Variants in DAB1 observed in about 807,000 individuals in gnomAD.
DAB1 encodes the protein DAB adaptor protein 1, also known as disabled homolog 1.
A neutral mutation model predicts 64.6 loss-of-function variants in DAB1; 15 were observed. The ratio of observed to expected loss-of-function variants is 0.23; its 90% CI spans 0.16 to 0.36. The LOEUF is 0.36. Among genes scored for constraint, DAB1 ranks in the 10% least tolerant of loss-of-function variants. DAB1 has a pLI of 1.00. For missense variants in DAB1, 596 were observed against 706.7 expected (o/e 0.84, Z 1.78); for synonymous variants, 235 against 251.9 (o/e 0.93, Z 0.64).
intron 7 of DAB1, among the ~76,000 whole-genome samples, chr1:57,601,102 C>T (rs1645571205): frequency 6.6e-6 from 1 of 152,026 alleles, no homozygotes; most frequent in African/African-American, 2.4e-5. Context: ...AGATAAAAAA[C>T]ACTGCATACA....
At chr1:57,387,499 C>G (rs933744060) in intron 1 of DAB1, 1 of 152,132 alleles carries the variant, frequency 6.6e-6, no homozygotes, top group East Asian at 1.9e-4. Context: ...CACACACACG[C>G]TCCTCTTCTA....
At chr1:57,065,940 A>G (rs546314757) in intron 8 of DAB1, among the ~76,000 whole-genome samples, 1 of 143,646 alleles carries the variant, frequency 7.0e-6, no homozygotes, top group Admixed American at 6.9e-5. Context: ...TATTTGTTCT[A>G]TAAATAATCT....
intron 5 of DAB1, among the ~76,000 whole-genome samples, chr1:58,118,495 TATATATATACAC>T (rs1297461349): frequency 2.4e-5 from 2 of 84,422 alleles, no homozygotes; most frequent in African/African-American, 5.5e-5. Context: ...TATATATATA[TATATATATACAC>T]ACACACACAC....
chr1:57,397,021 T>C (rs1311326193), intron 1 of DAB1, among the ~76,000 whole-genome samples: 1 of 152,184 alleles, frequency 6.6e-6, no homozygotes, highest in African/African-American at 2.4e-5. Flanking sequence ...CCTGTAGTCA[T>C]AAAAGACTGG....
In DAB1 at chr1:58,237,720, A is replaced by G. The variant is rs113303654; in HGVS notation, n.310-87132T>C. Reference sequence around the variant, plus strand: ...TAGTGACTTCTATCAATTTCTGTCTATTTTCATTCCTCTTCTGCAGCCACT... The same window carrying G: ...TAGTGACTTCTATCAATTTCTGTCTGTTTTCATTCCTCTTCTGCAGCCACT... On this transcript the variant is annotated intron_variant and non_coding_transcript_variant, in intron 4 of 20. Coordinates refer to the DAB1 transcript ENST00000485760. Among the ~76,000 whole-genome samples the G allele has an allele frequency of 1.4e-3, 212 of 152,156 alleles. 1 individual carries two copies. Among genetic ancestry groups the G allele is most frequent in the African/African-American group, 4.9e-3 (202 of 41,520 alleles).
intron 2 of DAB1, among the ~76,000 whole-genome samples, chr1:57,241,190 C>T (rs1668468971): frequency 6.6e-6 from 1 of 152,122 alleles, no homozygotes; most frequent in Admixed American, 6.5e-5. Context: ...AATTATTGAA[C>T]TTAGCTTTTT....
intron 1 of DAB1, among the ~76,000 whole-genome samples, chr1:57,296,441 A>G (rs1673198582): frequency 6.6e-6 from 1 of 152,140 alleles, no homozygotes; most frequent in Non-Finnish European, 1.5e-5. Context: ...ATTTTTCAGC[A>G]AAAGAAACCA....
At chr1:57,648,113 C>A (rs191317577) in intron 7 of DAB1, among the ~76,000 whole-genome samples, 5 of 152,278 alleles carry the variant, frequency 3.3e-5, no homozygotes, top group Non-Finnish European at 5.9e-5. Context: ...TTCACTCTAC[C>A]TCAGAGAATA....
intron 1 of DAB1, among the ~76,000 whole-genome samples, chr1:57,415,283 A>G (rs1229046280): frequency 8.1e-6 from 1 of 122,938 alleles, no homozygotes; most frequent in African/African-American, 3.0e-5. Flanking sequence ...ACACACACAT[A>G]TATGCACACA....
chr1:57,540,606 T>C (rs948797573), intron 7 of DAB1, among the ~76,000 whole-genome samples: 2 of 152,202 alleles, frequency 1.3e-5, no homozygotes, highest in Admixed American at 6.5e-5. Flanking sequence ...AGTGGAATAC[T>C]ACTTGGCCAT....
At chr1:57,747,647 A>G (rs1186856380) in intron 6 of DAB1, among the ~76,000 whole-genome samples, 3 of 151,848 alleles carry the variant, frequency 2.0e-5, no homozygotes, top group Non-Finnish European at 4.4e-5. Context: ...GTCTCTACTA[A>G]AAATACAAAA....
intron 4 of DAB1, among the ~76,000 whole-genome samples, chr1:58,321,097 G>C (rs969761855): frequency 6.6e-6 from 1 of 152,190 alleles, no homozygotes; most frequent in Non-Finnish European, 1.5e-5. Context: ...TGGTGTTACT[G>C]ATCTCTGAGT....
chr1:57,400,019 T>C (rs937817462), intron 1 of DAB1, among the ~76,000 whole-genome samples: 3 of 152,162 alleles, frequency 2.0e-5, no homozygotes, highest in African/African-American at 7.2e-5. Flanking sequence ...CCAGCACTCA[T>C]TGCACTGAAA....
chr1:57,581,085 A>G (rs1290497802), intron 7 of DAB1, among the ~76,000 whole-genome samples: 1 of 152,114 alleles, frequency 6.6e-6, no homozygotes. Context: ...TGCCTCAGAG[A>G]CTCAAATACC....
chr1:58,429,602 C>T (rs1490533804), intron 3 of DAB1, among the ~76,000 whole-genome samples: 1 of 152,056 alleles, frequency 6.6e-6, no homozygotes, highest in Non-Finnish European at 1.5e-5. Context: ...GGGAGGCAGC[C>T]AAGAAAGGGC....
At chr1:57,225,437 G>A (rs765545159) in intron 2 of DAB1, among the ~76,000 whole-genome samples, 3 of 152,038 alleles carry the variant, frequency 2.0e-5, no homozygotes, top group Non-Finnish European at 4.4e-5. Context: ...TGAAGAATTG[G>A]TACTGAAATG....
intron 1 of DAB1, among the ~76,000 whole-genome samples, chr1:57,393,401 T>A (rs1406288971): frequency 6.6e-6 from 1 of 152,050 alleles, no homozygotes; most frequent in Admixed American, 6.5e-5. Context: ...AACAAAGAAA[T>A]AAATCAGGAG....
chr1:57,871,962 T>C (rs995017057), intron 1 of DAB1, among the ~76,000 whole-genome samples: 3 of 152,098 alleles, frequency 2.0e-5, no homozygotes, highest in Non-Finnish European at 4.4e-5. Context: ...CTCTGCTATT[T>C]AGGGGACTGT....
chr1:57,140,106 A>C (rs751931266), intron 3 of DAB1, among the ~76,000 whole-genome samples: 33 of 152,136 alleles, frequency 2.2e-4, no homozygotes, highest in Non-Finnish European at 3.5e-4. Context: ...CACTGTGCAG[A>C]ACTAACAGAG....
Sources: allele counts gnomAD v4.1 joint callset (sites outside exome capture counted in the v4.1 genomes callset), GRCh38; gene constraint gnomAD v4.1.1; transcripts MANE v1.5; gene names NCBI Gene and HGNC (gene_info 2026-07-23, HGNC 2026-07-21).